The following IDH2 variants were observed in gnomAD, a reference collection of about 807,000 sequenced individuals.
IDH2 encodes isocitrate dehydrogenase (NADP(+)) 2.
IDH2 carries 18 observed loss-of-function variants against 50.5 expected under a neutral mutation model. The ratio of observed to expected loss-of-function variants is 0.36; its 90% CI spans 0.25 to 0.53. The LOEUF (loss-of-function observed/expected upper bound fraction) is 0.53. Ranked by LOEUF, IDH2 falls within the 20% of genes least tolerant of loss-of-function variation. The pLI, the probability that IDH2 is intolerant of heterozygous loss-of-function variation, is 0.92. For synonymous variants in IDH2, 280 were observed against 239.8 expected (o/e 1.17, Z -1.55); for missense variants, 518 against 610.7 (o/e 0.85, Z 1.60).
chr15:90,090,389 A>C, intron 3 of IDH2, 90 bp downstream of exon 3: 1 of 1,408,568 alleles, frequency 7.1e-7, no homozygotes, highest in Non-Finnish European at 9.9e-7. Flanking sequence ...GAGATGAGTG[A>C]CATGGCCAAC....
At chr15:90,092,889 T>A (rs1901081635) in intron 1 of IDH2, among the ~76,000 whole-genome samples, 1 of 152,174 alleles carries the variant, frequency 6.6e-6, no homozygotes, top group Non-Finnish European at 1.5e-5. Context: ...AATTTTAAAA[T>A]TTTTTTGTAG....
At position 90,102,330 on chromosome 15, in the gene IDH2, A is replaced by C; in HGVS notation, c.61T>G (p.Trp21Gly). 7.3e-7 allele frequency: 1 copy of C among 1,363,496 alleles called. No homozygotes were observed. Among genetic ancestry groups the C allele is most frequent in the Non-Finnish European group, 9.5e-7 (1 of 1,048,534 alleles). 84.5% of individuals were successfully genotyped at this position (1,363,496 alleles called of 1,614,324 possible). A position where few individuals can be genotyped will look rare whatever the true frequency, so the allele number is the denominator to read the frequency against. ...LCRASGSRPA[W>G]APAALTAPTS... ...GGGGCTGTCAGGGCCGCCGGCGCCC[A>C]GGCCGGCCGCGAGCCTGAGGCTCTG... The change falls in exon 1 of 11, where the codon TGG becomes GGG. Residue 21 changes from tryptophan to glycine, a missense_variant. Physicochemically the swap from Trp to Gly is radical, Grantham distance 184. Transcript: ENST00000330062.
chr15:90,090,418 G>T, intron 3 of IDH2, 61 bp downstream of exon 3: 1 of 1,578,384 alleles, frequency 6.3e-7, no homozygotes, highest in South Asian at 1.1e-5. Context: ...CCCAAGTCTG[G>T]AGAGGCCGGT....
At chr15:90,091,390 C>G (rs937979908) in intron 2 of IDH2, among the ~76,000 whole-genome samples, 163 bp downstream of exon 2, 2 of 152,218 alleles carry the variant, frequency 1.3e-5, no homozygotes, top group African/African-American at 4.8e-5. Context: ...ATTAGTGGAC[C>G]AGATGTGAAA....
intron 1 of IDH2, 38 bp downstream of exon 1, chr15:90,102,238 G>C: frequency 5.5e-6 from 5 of 912,352 alleles, no homozygotes; most frequent in Non-Finnish European, 5.7e-6. Flanking sequence ...TCGCAGCTGG[G>C]GGCGCGCGCC....
chr15:90,085,338 C>G lies in IDH2; in HGVS notation c.1017G>C (p.Gly339=), dbSNP rs1227526639. 11 of 1,554,996 alleles carry G rather than the reference C, an allele frequency of 7.1e-6. No individual in the cohort carries two copies. Among genetic ancestry groups the G allele is most frequent in the Non-Finnish European group, 9.6e-6 (11 of 1,148,618 alleles). Residue 339 remains glycine, a synonymous_variant, in exon 8 of 11, where the codon GGG becomes GGC. Transcript: ENST00000330062. This position sits in a 1 kb window ranked among gnomAD's most constrained non-coding sequence, Gnocchi z 5.5. ...GAGCGGCCTCAGCCTCAATCGTCTT[C>G]CCATCAGGGCAGACCAGGACGGACG... ...LMTSVLVCPD[G]KTIEAEAAHG...
Position 90,090,559 on chromosome 15 carries a change from A to G in IDH2, c.293T>C (p.Ile98Thr), listed in dbSNP as rs139512088. The part of the protein sequence containing the change: ...NRDQTDDQVT[I>T]DSALATQKYS... ...CTTCTGGGTGGCCAGTGCAGAGTCA[A>G]TGGTGACCTGGTCATCAGTCTGGTC... Residue 98 changes from isoleucine to threonine, a missense_variant, in exon 3 of 11, where the codon ATT becomes ACT. Physicochemically the swap from Ile to Thr is moderately conservative, Grantham distance 89 (BLOSUM62 -1). This residue lies in a region of IDH2 where 68 missense variants were observed against 109.7 expected (regional missense o/e 0.62). Transcript: ENST00000330062. 88 of 1,614,214 alleles carry G rather than the reference A, an allele frequency of 5.5e-5. No individual in the cohort carries two copies. Among genetic ancestry groups the G allele is most frequent in the Middle Eastern group, 5.0e-4 (3 of 6,058 alleles).
In IDH2 at chr15:90,088,513, A is replaced by AT. The variant is rs1900935462; in HGVS notation, c.535-12_535-11insA. ...GTCTGTGGCCTTGTACTGCAGAGAC[A>AT]AGAGGATGGCTAGGCGAGGAGCTCC... On this transcript the variant is annotated splice_polypyrimidine_tract_variant and intron_variant, in intron 4 of 10. Coordinates refer to ENST00000330062, the MANE Select transcript of IDH2 (RefSeq NM_002168.4). The AT allele has an allele frequency of 1.2e-6, 2 of 1,614,228 alleles. No homozygotes were observed. Among genetic ancestry groups the AT allele is most frequent in the African/African-American group, 2.7e-5 (2 of 75,060 alleles).
chr15:90,092,578 A>ATT (rs112349201), intron 1 of IDH2, among the ~76,000 whole-genome samples: 16 of 146,708 alleles, frequency 1.1e-4, no homozygotes, highest in African/African-American at 2.7e-4. Context: ...GCTATTTTTA[A>ATT]TTTTTTTTTT....
chr15:90,102,400 G>A lies in IDH2; in HGVS notation c.-10C>T. The stretch of plus-strand genomic sequence containing the variant: ...GCAGGTAGCCGGCCATCCCAAGCTG[G>A]AGAGCGAACGAGCAGGGCGGGAGAG... On this transcript the variant is annotated 5_prime_UTR_variant, in exon 1 of 11. Transcript: ENST00000330062. 2 of 1,322,502 alleles carry A rather than the reference G, an allele frequency of 1.5e-6. No homozygotes were observed. Among genetic ancestry groups the A allele is most frequent in the Non-Finnish European group, 2.0e-6 (2 of 1,022,260 alleles). 81.9% of individuals were successfully genotyped at this position (1,322,502 alleles called of 1,614,324 possible). A position where few individuals can be genotyped will look rare whatever the true frequency, so the allele number is the denominator to read the frequency against.
At chr15:90,091,817 G>A (rs549810330) in intron 1 of IDH2, among the ~76,000 whole-genome samples, 173 bp from the exon 2 acceptor site, 35 of 152,308 alleles carry the variant, frequency 2.3e-4, no homozygotes, top group Admixed American at 4.6e-4. Flanking sequence ...TAGAGCAGGG[G>A]TCCCCAACTC....
chr15:90,084,469 C>T lies in IDH2; in HGVS notation c.1272-116G>A, dbSNP rs902340220. On this transcript the variant is annotated intron_variant, in intron 10 of 10. Coordinates refer to ENST00000330062, the MANE Select transcript of IDH2 (RefSeq NM_002168.4). This position sits in a 1 kb window ranked among gnomAD's most constrained non-coding sequence, Gnocchi z 5.0. ...GCATCAGAACAGCCATCTCCTGCCACCCAGACTACAGGCCAGAGGCCAGCT... is the reference window on the plus strand; with the variant it reads ...GCATCAGAACAGCCATCTCCTGCCATCCAGACTACAGGCCAGAGGCCAGCT... 2.1e-6 allele frequency: 2 copies of T among 940,450 alleles called. No individual in the cohort carries two copies. The highest frequency in any genetic ancestry group is 3.3e-6 in the Non-Finnish European group (2 of 599,236). 58.3% of individuals were successfully genotyped at this position (940,450 alleles called of 1,614,324 possible).
At position 90,085,426 on chromosome 15, in the gene IDH2, T is replaced by G. The variant is rs531222215; in HGVS notation, c.968-39A>C. The G allele has an allele frequency of 7.1e-7, 1 of 1,398,988 alleles. No homozygotes were observed. Among genetic ancestry groups the G allele is most frequent in the South Asian group, 1.2e-5 (1 of 81,068 alleles). The allele number at this position is 1,398,988 out of a possible 1,614,324, so 86.7% of individuals were successfully genotyped here. On this transcript the variant is annotated intron_variant, in intron 7 of 10. Coordinates refer to ENST00000330062, the MANE Select transcript of IDH2 (RefSeq NM_002168.4). The surrounding 1 kb of genome is among the most constrained non-coding windows in gnomAD (Gnocchi z 5.5). Reference sequence around the variant, plus strand: ...AGCCTTTCTCTCAGGGCCTCGCCTCTCCTGGGGCCACCCAGCTGAGCCCTG... The same window carrying G: ...AGCCTTTCTCTCAGGGCCTCGCCTCGCCTGGGGCCACCCAGCTGAGCCCTG...
chr15:90,085,036 G>A lies in IDH2; in HGVS notation c.1143C>T (p.His381=), dbSNP rs1596072062. ...CTTGGTTCCCATCCAGCTTCCCCCGGTGCTCCAGGCCACGTGTCCAGGCAA... is the reference window on the plus strand; with the variant it reads ...CTTGGTTCCCATCCAGCTTCCCCCGATGCTCCAGGCCACGTGTCCAGGCAA... ...SIFAWTRGLE[H]RGKLDGNQDL... is the part of the protein sequence containing the mutation. Residue 381 remains histidine (H), a synonymous_variant, in exon 9 of 11, where the codon CAC becomes CAT. Coordinates refer to ENST00000330062, the MANE Select transcript of IDH2 (RefSeq NM_002168.4). This position sits in a 1 kb window ranked among gnomAD's most constrained non-coding sequence, Gnocchi z 5.5. The A allele has an allele frequency of 1.2e-6, 2 of 1,614,006 alleles. No individual in the cohort carries two copies. The highest frequency in any genetic ancestry group is 1.7e-6 in the Non-Finnish European group (2 of 1,180,010).
chr15:90,087,395 G>A (rs1900888016), intron 6 of IDH2, 44 bp downstream of exon 6: 3 of 1,613,700 alleles, frequency 1.9e-6, no homozygotes, highest in African/African-American at 1.3e-5. Context: ...AACAGCATGG[G>A]GGGAAGGGAA....
chr15:90,093,622 A>G (rs1262795434), intron 1 of IDH2, among the ~76,000 whole-genome samples: 1 of 151,756 alleles, frequency 6.6e-6, no homozygotes, highest in Non-Finnish European at 1.5e-5. Flanking sequence ...TTATTTATTT[A>G]TTTATTTATT....
At chr15:90,092,336 TA>T (rs574427591) in intron 1 of IDH2, among the ~76,000 whole-genome samples, 139 of 129,768 alleles carry the variant, frequency 1.1e-3, no homozygotes, top group African/African-American at 3.3e-3. Flanking sequence ...CATCCATCCT[TA>T]CTTACTTCCT....
In IDH2 at chr15:90,088,515, G is replaced by T. The variant is rs1216491356; in HGVS notation, c.535-13C>A. 1 of 1,614,242 alleles carries T rather than the reference G, an allele frequency of 6.2e-7. No individual in the cohort carries two copies. Among genetic ancestry groups the T allele is most frequent in the East Asian group, 2.2e-5 (1 of 44,886 alleles). ...CTGTGGCCTTGTACTGCAGAGACAA[G>T]AGGATGGCTAGGCGAGGAGCTCCAG... On this transcript the variant is annotated splice_polypyrimidine_tract_variant and intron_variant, in intron 4 of 10. Coordinates refer to ENST00000330062, the MANE Select transcript of IDH2 (RefSeq NM_002168.4).
At position 90,100,695 on chromosome 15, in the gene IDH2, T is replaced by A. The variant is rs1052698530; in HGVS notation, c.115+1581A>T. 5.1e-6 allele frequency: 5 copies of A among 973,478 alleles called. No individual in the cohort carries two copies. The African/African-American group carries it at 8.8e-5, about 17-fold the overall frequency. 60.3% of individuals were successfully genotyped at this position (973,478 alleles called of 1,614,324 possible). A position where few individuals can be genotyped will look rare whatever the true frequency, so the allele number is the denominator to read the frequency against. ...TTTTAGCCCCAAAATATTCTTTCCT[T>A]GTCATCAAGGGGAATGCCAAGTATT... is the stretch of plus-strand genomic sequence containing the variant. On this transcript the variant is annotated intron_variant, in intron 1 of 10. Transcript: ENST00000330062. This position sits in a 1 kb window ranked among gnomAD's most constrained non-coding sequence, Gnocchi z 4.1.
Sources: allele counts gnomAD v4.1 joint callset (sites outside exome capture counted in the v4.1 genomes callset), GRCh38; gene constraint gnomAD v4.1.1; regional missense constraint gnomAD v4.1.1; non-coding constraint Gnocchi (gnomAD v3.1); transcripts MANE v1.5; gene names NCBI Gene and HGNC (gene_info 2026-07-23, HGNC 2026-07-21).